BLTP3B: variants seen among roughly 807,000 people sequenced by gnomAD.
The protein encoded by BLTP3B is bridge-like lipid transfer protein family member 3B.
the BLTP3B span, among the ~76,000 whole-genome samples, chr12:100,083,452 C>CA: frequency 1.3e-5 from 2 of 152,010 alleles, no homozygotes; most frequent in Admixed American, 6.6e-5. Context: ...GAGGGGCAGA[C>CA]AATGGGTGAT....
the BLTP3B span, chr12:100,057,870 G>T: frequency 7.8e-7 from 1 of 1,276,848 alleles, no homozygotes; most frequent in Non-Finnish European, 1.1e-6. Flanking sequence ...AAACGTATAA[G>T]CTCAAAGTGT....
chr12:100,058,791 A>G, the BLTP3B span: 1 of 1,613,994 alleles, frequency 6.2e-7, no homozygotes, highest in South Asian at 1.1e-5. Context: ...CTCATGCAGG[A>G]AAAGTAGAAG....
At chr12:100,139,000 T>C in the BLTP3B span, among the ~76,000 whole-genome samples, 1 of 152,146 alleles carries the variant, frequency 6.6e-6, no homozygotes, top group Non-Finnish European at 1.5e-5. Flanking sequence ...TAGAAAACCC[T>C]CCCAAAATAC....
the BLTP3B span, chr12:100,047,468 A>G: frequency 3.1e-6 from 4 of 1,278,072 alleles, no homozygotes; most frequent in Non-Finnish European, 4.5e-6. Context: ...CATTGCACTC[A>G]AGCCTGGGCA....
At chr12:100,140,729 A>AATATATATATATATATATATATATATAT in the BLTP3B span, among the ~76,000 whole-genome samples, 11 of 61,462 alleles carry the variant, frequency 1.8e-4, no homozygotes, top group Admixed American at 4.0e-4. Flanking sequence ...AAAAAAAAAA[A>AATATATATATATATATATATATATATAT]ATATATATAT....
chr12:100,058,611 C>G, the BLTP3B span: 2 of 1,614,024 alleles, frequency 1.2e-6, no homozygotes. Flanking sequence ...TGGGCTCACA[C>G]TTTCAGAAAC....
At chr12:100,117,973 C>A in the BLTP3B span, among the ~76,000 whole-genome samples, 1 of 146,082 alleles carries the variant, frequency 6.8e-6, no homozygotes. Flanking sequence ...CAAAGAATGC[C>A]TTTTTTATAC....
At chr12:100,125,394 A>C in the BLTP3B span, among the ~76,000 whole-genome samples, 13 of 151,958 alleles carry the variant, frequency 8.6e-5, no homozygotes, top group East Asian at 1.7e-3. Context: ...TAACGACTAC[A>C]ATCTCAACAC....
the BLTP3B span, among the ~76,000 whole-genome samples, chr12:100,085,608 G>A: frequency 6.6e-6 from 1 of 152,094 alleles, no homozygotes; most frequent in Non-Finnish European, 1.5e-5. Context: ...AAACAAAAAT[G>A]TGTGAACAGA....
At chr12:100,072,176 C>T in the BLTP3B span, among the ~76,000 whole-genome samples, 2 of 152,058 alleles carry the variant, frequency 1.3e-5, no homozygotes, top group South Asian at 2.1e-4. Context: ...GCACAAGAAT[C>T]GCTTGAACCT....
the BLTP3B span, among the ~76,000 whole-genome samples, chr12:100,116,146 C>T: frequency 2.8e-5 from 4 of 144,232 alleles, no homozygotes; most frequent in South Asian, 2.1e-4. Flanking sequence ...TACTCCAGCC[C>T]GGGTGACAGA....
At chr12:100,049,589 T>C in the BLTP3B span, among the ~76,000 whole-genome samples, 1 of 152,186 alleles carries the variant, frequency 6.6e-6, no homozygotes. Context: ...TTAGTGTTAT[T>C]ACTACTTATT....
chr12:100,084,504 T>C, the BLTP3B span: 1 of 1,613,734 alleles, frequency 6.2e-7, no homozygotes, highest in South Asian at 1.1e-5. Flanking sequence ...GAGAGGCATG[T>C]GTTGGGGATT....
chr12:100,068,112 T>C, the BLTP3B span, among the ~76,000 whole-genome samples: 1 of 152,118 alleles, frequency 6.6e-6, no homozygotes. Flanking sequence ...TATAAGGCCA[T>C]ACTCATCAGA....
chr12:100,082,987 A>G, the BLTP3B span: 1 of 1,546,894 alleles, frequency 6.5e-7, no homozygotes, highest in Admixed American at 1.7e-5. Flanking sequence ...AGTGTTTATG[A>G]GAAAACTTAA....
At chr12:100,142,834 C>T in the BLTP3B span, 2 of 688,706 alleles carry the variant, frequency 2.9e-6, no homozygotes, top group Admixed American at 3.6e-5. Context: ...GCCACGGCCG[C>T]CGCGGGCGCC....
chr12:100,086,184 C>A, the BLTP3B span: 2 of 799,380 alleles, frequency 2.5e-6, no homozygotes. Context: ...TTCTTGTTAA[C>A]AAATAAAAGC....
the BLTP3B span, among the ~76,000 whole-genome samples, chr12:100,040,673 G>C: frequency 1.3e-5 from 2 of 152,116 alleles, no homozygotes; most frequent in African/African-American, 4.8e-5. Context: ...GCGACAGAGC[G>C]AGACTCCGTC....
chr12:100,091,628 G>A, the BLTP3B span, among the ~76,000 whole-genome samples: 1 of 150,288 alleles, frequency 6.7e-6, no homozygotes, highest in African/African-American at 2.5e-5. Flanking sequence ...TCAGCCTCCC[G>A]AGTAGCTGGG....
Sources: gnomAD v4.1 joint callset for allele counts (sites outside exome capture counted in the v4.1 genomes callset) on GRCh38, gnomAD v4.1.1 for gene constraint, MANE v1.5 for transcripts, NCBI Gene and HGNC (gene_info 2026-07-23, HGNC 2026-07-21) for gene names.